Variants in YPEL1 observed in about 807,000 individuals in gnomAD.
YPEL1 encodes protein yippee-like 1.
Under a neutral mutation model 17.3 loss-of-function variants are expected in YPEL1, and 7 were observed. The observed-to-expected ratio is 0.40, with a 90% CI of 0.23 to 0.76. YPEL1 has a LOEUF of 0.76. Ranked by LOEUF, YPEL1 falls within the 30% of genes least tolerant of loss-of-function variation. YPEL1 has a pLI of 0.35. For missense variants in YPEL1, 91 were observed against 155.5 expected (o/e 0.59, Z 2.21); for synonymous variants, 59 against 59.6 (o/e 0.99, Z 0.05).
chr22:21,706,529 A>G (rs1481351388), intron 2 of YPEL1, among the ~76,000 whole-genome samples: 1 of 152,100 alleles, frequency 6.6e-6, no homozygotes, highest in East Asian at 1.9e-4. Context: ...GGCCTCATGC[A>G]GGGGATGGGA....
At chr22:21,711,810 A>G (rs781025574) in intron 1 of YPEL1, among the ~76,000 whole-genome samples, 3 of 152,252 alleles carry the variant, frequency 2.0e-5, no homozygotes, top group South Asian at 2.1e-4. Context: ...GGATGTGGCA[A>G]TCATCTCTTG....
intron 1 of YPEL1, among the ~76,000 whole-genome samples, chr22:21,721,340 A>T (rs1276162155): frequency 1.3e-5 from 2 of 151,382 alleles, no homozygotes; most frequent in African/African-American, 2.4e-5. Flanking sequence ...GGATGGTCTA[A>T]ATCTCCTGAC....
chr22:21,725,358 T>C (rs577367427), intron 1 of YPEL1, among the ~76,000 whole-genome samples: 5 of 152,128 alleles, frequency 3.3e-5, no homozygotes, highest in Non-Finnish European at 5.9e-5. Flanking sequence ...TAGCTGGGAC[T>C]ACAGGCACCC....
chr22:21,719,942 G>A (rs1297131573), intron 1 of YPEL1, among the ~76,000 whole-genome samples: 1 of 151,554 alleles, frequency 6.6e-6, no homozygotes, highest in South Asian at 2.1e-4. Context: ...AACCTGGGGG[G>A]CGGAGGTTGC....
rs908132071 is a variant in YPEL1 at position 21,700,843 on chromosome 22, A to G, written c.*286T>C. The G allele has an allele frequency of 1.4e-5, 4 of 290,608 alleles. No individual in the cohort carries two copies. In the East Asian group the frequency reaches 2.6e-4, roughly 19 times the overall value. The allele number at this position is 290,608 out of a possible 1,614,324, so 18.0% of individuals were successfully genotyped here. A position where few individuals can be genotyped will look rare whatever the true frequency, so the allele number is the denominator to read the frequency against. ...TATATTGAAGACAAAGGTGAAAGGAAGATATTAACTAGGCAGGTAAGTCAT... is the reference window on the plus strand; with the variant it reads ...TATATTGAAGACAAAGGTGAAAGGAGGATATTAACTAGGCAGGTAAGTCAT... On this transcript the variant is annotated 3_prime_UTR_variant, in exon 5 of 5. Transcript: ENST00000339468.
At chr22:21,724,483 G>T (rs764027332) in intron 1 of YPEL1, among the ~76,000 whole-genome samples, 22 of 152,068 alleles carry the variant, frequency 1.4e-4, no homozygotes, top group Non-Finnish European at 2.9e-5. Context: ...GTTGCTGTGA[G>T]CCATGATCGC....
chr22:21,710,175 G>C (rs565447249), intron 2 of YPEL1, among the ~76,000 whole-genome samples: 1 of 152,178 alleles, frequency 6.6e-6, no homozygotes, highest in East Asian at 1.9e-4. Context: ...TTCACCCAGG[G>C]CTCCTACACA....
At chr22:21,726,892 G>A (rs532804533) in intron 1 of YPEL1, among the ~76,000 whole-genome samples, 2 of 152,316 alleles carry the variant, frequency 1.3e-5, no homozygotes, top group Non-Finnish European at 2.9e-5. Context: ...TGCAGAGGAC[G>A]CTACTAACTC....
intron 1 of YPEL1, among the ~76,000 whole-genome samples, chr22:21,718,128 C>CAAA (rs55677107): frequency 1.8e-4 from 23 of 130,458 alleles, no homozygotes; most frequent in Admixed American, 8.1e-4. Flanking sequence ...GACTCTGTCT[C>CAAA]AAAAAAAAAA....
At chr22:21,732,585 C>T (rs1487848243) in intron 1 of YPEL1, among the ~76,000 whole-genome samples, 2 of 152,088 alleles carry the variant, frequency 1.3e-5, no homozygotes, top group Non-Finnish European at 2.9e-5. Flanking sequence ...AGATTGAGGC[C>T]ATCCTGGCCA....
At chr22:21,714,832 T>C (rs1193699015) in intron 1 of YPEL1, among the ~76,000 whole-genome samples, 1 of 152,250 alleles carries the variant, frequency 6.6e-6, no homozygotes, top group Non-Finnish European at 1.5e-5. Flanking sequence ...GGCTTTAATT[T>C]GCTTCAACCT....
chr22:21,729,385 T>C lies in YPEL1; in HGVS notation c.-165+6230A>G, dbSNP rs2068366460. Among the ~76,000 whole-genome samples the C allele has an allele frequency of 3.3e-5, 5 of 150,704 alleles. No homozygotes were observed. The South Asian group carries it at 1.1e-3, about 32-fold the overall frequency. On this transcript the variant is annotated intron_variant, in intron 1 of 4. Coordinates refer to ENST00000339468, the MANE Select transcript of YPEL1 (RefSeq NM_013313.5). Reference sequence around the variant, plus strand: ...GTTTTGGGAGGCCAAGGTGGGAAGATTACTTGAGGCCAGGAGTTCAAGATC... The same window carrying C: ...GTTTTGGGAGGCCAAGGTGGGAAGACTACTTGAGGCCAGGAGTTCAAGATC...
intron 2 of YPEL1, chr22:21,710,339 G>T: frequency 6.5e-6 from 3 of 462,840 alleles, no homozygotes; most frequent in Non-Finnish European, 1.2e-5. Flanking sequence ...GTCCTCTCTG[G>T]CTTTCTGCTG....
chr22:21,722,423 C>A lies in YPEL1; in HGVS notation c.-164-11515G>T, dbSNP rs116759438. 3.9e-3 allele frequency among the ~76,000 whole-genome samples: 593 copies of A among 151,128 alleles called. 4 individuals are homozygous for A. Among genetic ancestry groups the A allele is most frequent in the African/African-American group, 0.014 (573 of 41,278 alleles). ...AGAGTGAGACTCGTTCTCAAAAAAA[C>A]CCCAAAACCAAAAAACACCTGTCTC... is the stretch of plus-strand genomic sequence containing the variant. On this transcript the variant is annotated intron_variant, in intron 1 of 4. Coordinates refer to ENST00000339468, the MANE Select transcript of YPEL1 (RefSeq NM_013313.5).
intron 1 of YPEL1, among the ~76,000 whole-genome samples, chr22:21,730,285 ACG>A (rs2068375157): frequency 6.6e-6 from 1 of 151,816 alleles, no homozygotes. Flanking sequence ...GTGCAGTAGC[ACG>A]ATCTTGGCTC....
At chr22:21,726,951 C>T (rs950921221) in intron 1 of YPEL1, among the ~76,000 whole-genome samples, 1 of 152,210 alleles carries the variant, frequency 6.6e-6, no homozygotes, top group African/African-American at 2.4e-5. Context: ...ACTGAGGGCA[C>T]CGCTAATTAC....
chr22:21,710,973 G>A (rs2068159314), intron 1 of YPEL1, 65 bp from the exon 2 acceptor site: 10 of 540,880 alleles, frequency 1.8e-5, no homozygotes, highest in Non-Finnish European at 2.3e-5. Flanking sequence ...AGGTACATAT[G>A]GGATTCATGT....
At chr22:21,732,618 T>C (rs1171912088) in intron 1 of YPEL1, among the ~76,000 whole-genome samples, 1 of 151,888 alleles carries the variant, frequency 6.6e-6, no homozygotes, top group African/African-American at 2.4e-5. Context: ...CCCGTCTCTA[T>C]TAAAAATACA....
chr22:21,722,607 ACT>A (rs2068294461), intron 1 of YPEL1, among the ~76,000 whole-genome samples: 2 of 148,192 alleles, frequency 1.3e-5, no homozygotes, highest in Non-Finnish European at 1.5e-5. Flanking sequence ...ACAGAGTGAG[ACT>A]CTGTCTCGGG....
Sources: allele counts gnomAD v4.1 joint callset (sites outside exome capture counted in the v4.1 genomes callset), GRCh38; gene constraint gnomAD v4.1.1; transcripts MANE v1.5; gene names NCBI Gene and HGNC (gene_info 2026-07-23, HGNC 2026-07-21).